The following MTRF1 variants were observed in gnomAD, a reference collection of about 807,000 sequenced individuals.
MTRF1 encodes the protein peptide chain release factor 1, mitochondrial.
MTRF1 carries 51 observed loss-of-function variants against 62.9 expected under a neutral mutation model. The ratio of observed to expected loss-of-function variants is 0.81; its 90% CI spans 0.65 to 1.02. The LOEUF is 1.02. MTRF1 is among the 50% of genes least tolerant of loss of function. MTRF1 has a pLI of 0.00. For synonymous variants in MTRF1, 158 were observed against 181.9 expected (o/e 0.87, Z 1.06); for missense variants, 446 against 530.0 (o/e 0.84, Z 1.56).
At chr13:41,257,368 T>C (rs993532974) in intron 2 of MTRF1, among the ~76,000 whole-genome samples, 2 of 152,122 alleles carry the variant, frequency 1.3e-5, no homozygotes, top group African/African-American at 4.8e-5. Context: ...GTCAGAGATG[T>C]AATGAAGATA....
At chr13:41,244,425 A>G (rs926182042) in intron 5 of MTRF1, among the ~76,000 whole-genome samples, 3 of 152,146 alleles carry the variant, frequency 2.0e-5, no homozygotes, top group Non-Finnish European at 4.4e-5. Context: ...AGATGTGCAC[A>G]TGGTTTCAAA....
At chr13:41,231,136 A>G (rs888123428) in intron 7 of MTRF1, among the ~76,000 whole-genome samples, 2 of 152,216 alleles carry the variant, frequency 1.3e-5, no homozygotes, top group African/African-American at 4.8e-5. Flanking sequence ...TGATCTATTA[A>G]AGACAGAAAG....
At chr13:41,218,493 T>C (rs1387323905) in intron 9 of MTRF1, among the ~76,000 whole-genome samples, 3 of 152,144 alleles carry the variant, frequency 2.0e-5, no homozygotes, top group Non-Finnish European at 2.9e-5. Flanking sequence ...AAAATTTTCA[T>C]GTTTACCACT....
chr13:41,220,071 T>C (rs1593533424), intron 9 of MTRF1, among the ~76,000 whole-genome samples: 1 of 146,334 alleles, frequency 6.8e-6, no homozygotes, highest in African/African-American at 2.5e-5. Context: ...GCTCAGGCTA[T>C]AAACCCAGCA....
intron 3 of MTRF1, among the ~76,000 whole-genome samples, chr13:41,254,304 A>G (rs2039442293): frequency 6.6e-6 from 1 of 151,930 alleles, no homozygotes; most frequent in South Asian, 2.1e-4. Flanking sequence ...TAACAGACTC[A>G]ACTTTGAATT....
intron 6 of MTRF1, among the ~76,000 whole-genome samples, chr13:41,237,492 A>T (rs2099062697): frequency 6.6e-6 from 1 of 152,120 alleles, no homozygotes; most frequent in South Asian, 2.1e-4. Flanking sequence ...CATAGTGCTC[A>T]CACTATGCAT....
the MTRF1 span, among the ~76,000 whole-genome samples, chr13:41,287,204 A>G: frequency 6.6e-6 from 1 of 152,226 alleles, no homozygotes; most frequent in Non-Finnish European, 1.5e-5. Flanking sequence ...TGCAGTGTGC[A>G]AGCATGGCTC....
chr13:41,270,631 G>T, the MTRF1 span, among the ~76,000 whole-genome samples: 1 of 152,104 alleles, frequency 6.6e-6, no homozygotes, highest in East Asian at 1.9e-4. Flanking sequence ...ACATGATAAG[G>T]TACAGAGAGA....
At chr13:41,291,004 G>A in the MTRF1 span, among the ~76,000 whole-genome samples, 1 of 151,466 alleles carries the variant, frequency 6.6e-6, no homozygotes, top group Non-Finnish European at 1.5e-5. Context: ...GCTGAGGCAG[G>A]AGAATTGTTT....
the MTRF1 span, chr13:41,311,545 T>C: frequency 3.1e-6 from 5 of 1,607,510 alleles, no homozygotes; most frequent in Non-Finnish European, 4.2e-6. Flanking sequence ...AACGTGCTGC[T>C]GCCGCCCAAG....
upstream of MTRF1, among the ~76,000 whole-genome samples, chr13:41,266,996 C>CAAA (rs59609555): frequency 3.2e-4 from 26 of 81,162 alleles, no homozygotes; most frequent in African/African-American, 5.1e-4. Context: ...GACTCTGTCT[C>CAAA]AAAAAAAAAA....
intron 7 of MTRF1, among the ~76,000 whole-genome samples, chr13:41,227,950 T>G (rs2034762416): frequency 6.6e-6 from 1 of 152,200 alleles, no homozygotes; most frequent in Admixed American, 6.5e-5. Flanking sequence ...GTCTGGAGTT[T>G]TCTTGACTCT....
chr13:41,254,405 A>G (rs886722485), intron 3 of MTRF1, 124 bp downstream of exon 3: 12 of 493,724 alleles, frequency 2.4e-5, no homozygotes, highest in Non-Finnish European at 4.2e-5. Flanking sequence ...CAGCTTGATC[A>G]CTTATCATAA....
the MTRF1 span, among the ~76,000 whole-genome samples, chr13:41,280,113 T>C: frequency 6.6e-6 from 1 of 152,128 alleles, no homozygotes; most frequent in East Asian, 1.9e-4. Flanking sequence ...AATTTTTGTA[T>C]TTTTTGTAGA....
Position 41,244,292 on chromosome 13 carries a change from C to A in MTRF1, c.698-3859G>T, listed in dbSNP as rs141038748. ...CTGAAAAGTCTGAAGGAAATCTAAT[C>A]CTTGCCTTATAAGTCTCAAGGTCTT... On this transcript the variant is annotated intron_variant, in intron 5 of 9. Coordinates refer to ENST00000379480, the MANE Select transcript of MTRF1 (RefSeq NM_004294.4). Among the ~76,000 whole-genome samples, 402 of 152,332 alleles carry A rather than the reference C, an allele frequency of 2.6e-3. 2 individuals carry two copies. The highest frequency in any genetic ancestry group is 9.4e-3 in the African/African-American group (391 of 41,584).
chr13:41,294,312 G>A, the MTRF1 span, among the ~76,000 whole-genome samples: 2 of 151,724 alleles, frequency 1.3e-5, no homozygotes, highest in Non-Finnish European at 2.9e-5. Context: ...CAGCTACTAG[G>A]GAGGCTGAGG....
the MTRF1 span, among the ~76,000 whole-genome samples, chr13:41,311,824 C>G: frequency 6.6e-6 from 1 of 152,246 alleles, no homozygotes; most frequent in East Asian, 1.9e-4. Context: ...CCCCGCCGCG[C>G]TCTTTCCAGA....
rs151252295 is a variant in MTRF1 at position 41,226,501 on chromosome 13, C to T, written c.1056G>A (p.Leu352=). 437 of 1,613,980 alleles carry T rather than the reference C, an allele frequency of 2.7e-4. No individual in the cohort carries two copies. Among genetic ancestry groups the T allele is most frequent in the South Asian group, 1.0e-3 (94 of 91,054 alleles). The change falls in exon 8 of 10, where the codon TTG becomes TTA. Residue 352 remains leucine, a synonymous_variant. Coordinates refer to ENST00000379480, the MANE Select transcript of MTRF1 (RefSeq NM_004294.4). The part of the protein sequence containing the change: ...IKNKEIAFRV[L]RARLYQQIIE... ...TAATCTGCTGGTAGAGTCTAGCTCT[C>T]AACACACGAAAGGCTATTTCTTTAT...
the MTRF1 span, among the ~76,000 whole-genome samples, chr13:41,300,625 G>A: frequency 6.6e-6 from 1 of 151,908 alleles, no homozygotes; most frequent in Admixed American, 6.6e-5. Flanking sequence ...GGTCTTGCTG[G>A]GCCTGAACTC....
Sources: gnomAD v4.1 joint callset for allele counts (sites outside exome capture counted in the v4.1 genomes callset) on GRCh38, gnomAD v4.1.1 for gene constraint, MANE v1.5 for transcripts, NCBI Gene and HGNC (gene_info 2026-07-23, HGNC 2026-07-21) for gene names.